Variants in DEUP1 observed in about 807,000 individuals in gnomAD.
DEUP1 encodes coiled-coil domain containing 67.
A neutral mutation model predicts 87.4 loss-of-function variants in DEUP1; 82 were observed. The ratio of observed to expected loss-of-function variants is 0.94; its 90% confidence interval spans 0.78 to 1.13. The LOEUF is 1.13. Among genes scored for constraint, DEUP1 ranks in the 50% most tolerant of loss-of-function variants. DEUP1 has a pLI of 0.00. For missense variants in DEUP1, 663 were observed against 681.5 expected (o/e 0.97, Z 0.30); for synonymous variants, 214 against 222.7 (o/e 0.96, Z 0.35).
At chr11:93,335,241 T>C (rs1183909669) in intron 2 of DEUP1, among the ~76,000 whole-genome samples, 1 of 144,556 alleles carries the variant, frequency 6.9e-6, no homozygotes, top group Non-Finnish European at 1.6e-5. Flanking sequence ...TCTACTGTCA[T>C]AGTCATAGGA....
rs1346902516 is a variant in DEUP1 at position 93,369,658 on chromosome 11, G to A, written c.433-415G>A. ...GTAAAGAATGGATTTACGGCCGGGC[G>A]CGGTGGCTCACGCCTGTAATCCCAG... On this transcript the variant is annotated intron_variant, in intron 5 of 13. Coordinates refer to ENST00000298050, the MANE Select transcript of DEUP1 (RefSeq NM_181645.4). Among the ~76,000 whole-genome samples, 6 of 6,242 alleles carry A rather than the reference G, an allele frequency of 9.6e-4. 3 individuals carry two copies. Among genetic ancestry groups the A allele is most frequent in the Admixed American group, 5.8e-3 (2 of 342 alleles). The allele number at this position is 6,242 out of a possible 152,430, so 4.1% of individuals were successfully genotyped here. A position where few individuals can be genotyped will look rare whatever the true frequency, so the allele number is the denominator to read the frequency against.
intron 6 of DEUP1, 130 bp from the exon 7 acceptor site, chr11:93,370,908 G>A: frequency 1.2e-6 from 1 of 813,352 alleles, no homozygotes; most frequent in East Asian, 2.7e-5. Context: ...GAATTACAAA[G>A]ACCCAACTTT....
intron 2 of DEUP1, among the ~76,000 whole-genome samples, chr11:93,339,383 A>G (rs1057153620): frequency 6.6e-6 from 1 of 152,202 alleles, no homozygotes; most frequent in African/African-American, 2.4e-5. Context: ...TGGTTTCCAA[A>G]TTTTCTCTAA....
chr11:93,390,435 T>A (rs1164434428), intron 9 of DEUP1, among the ~76,000 whole-genome samples: 1 of 152,160 alleles, frequency 6.6e-6, no homozygotes, highest in Non-Finnish European at 1.5e-5. Context: ...AGAGAAAAGG[T>A]GTTATGAATC....
At chr11:93,404,293 C>T (rs371635351) in intron 11 of DEUP1, among the ~76,000 whole-genome samples, 17 of 151,932 alleles carry the variant, frequency 1.1e-4, no homozygotes, top group Non-Finnish European at 2.5e-4. Context: ...AGCTTATCGT[C>T]GTAGGCTTTT....
intron 13 of DEUP1, among the ~76,000 whole-genome samples, chr11:93,426,994 T>TAAA (rs1157644297): frequency 1.4e-3 from 4 of 2,910 alleles, no homozygotes; most frequent in Non-Finnish European, 2.2e-3. Flanking sequence ...TAGAGTATAA[T>TAAA]AAAAAAAAAA....
intron 13 of DEUP1, among the ~76,000 whole-genome samples, chr11:93,430,632 A>G (rs1948075503): frequency 6.6e-6 from 1 of 152,186 alleles, no homozygotes; most frequent in African/African-American, 2.4e-5. Context: ...AGTTTTCATT[A>G]CGGATAATGA....
intron 7 of DEUP1, among the ~76,000 whole-genome samples, chr11:93,378,312 T>A (rs117384439): frequency 2.0e-5 from 3 of 152,000 alleles, no homozygotes; most frequent in African/African-American, 7.2e-5. Flanking sequence ...TTTAAATTCT[T>A]TTTTGTCTTT....
intron 2 of DEUP1, among the ~76,000 whole-genome samples, chr11:93,332,791 T>G (rs1943556929): frequency 6.6e-6 from 1 of 152,236 alleles, no homozygotes; most frequent in Admixed American, 6.5e-5. Context: ...TTTGTCATTG[T>G]AGAAAATCAA....
At chr11:93,409,013 C>G (rs781259512) in intron 12 of DEUP1, among the ~76,000 whole-genome samples, 1 of 152,072 alleles carries the variant, frequency 6.6e-6, no homozygotes, top group Non-Finnish European at 1.5e-5. Flanking sequence ...CCCGCCACTA[C>G]ACCCGGATAA....
intron 13 of DEUP1, among the ~76,000 whole-genome samples, chr11:93,428,511 G>A (rs1027252949): frequency 6.6e-6 from 1 of 151,824 alleles, no homozygotes; most frequent in African/African-American, 2.4e-5. Flanking sequence ...CGAGTTAATG[G>A]GTGCAGCACA....
chr11:93,375,383 A>T (rs1303423292), intron 7 of DEUP1, among the ~76,000 whole-genome samples: 1 of 151,970 alleles, frequency 6.6e-6, no homozygotes, highest in East Asian at 1.9e-4. Context: ...TCTCAGGGAG[A>T]ATGCTTTCCC....
intron 2 of DEUP1, among the ~76,000 whole-genome samples, chr11:93,340,018 A>G (rs1943979466): frequency 6.6e-6 from 1 of 152,214 alleles, no homozygotes; most frequent in African/African-American, 2.4e-5. Context: ...ACCCAAGCAA[A>G]TTAGGGTTCC....
intron 13 of DEUP1, among the ~76,000 whole-genome samples, chr11:93,432,054 C>T (rs1012058995): frequency 6.6e-6 from 1 of 152,174 alleles, no homozygotes; most frequent in Non-Finnish European, 1.5e-5. Flanking sequence ...TGGGAATAAT[C>T]GGCATATGGT....
chr11:93,415,270 C>T, intron 13 of DEUP1, 156 bp downstream of exon 13: 1 of 416,022 alleles, frequency 2.4e-6, no homozygotes. Flanking sequence ...TTTGGCCATA[C>T]CTATCTACAG....
chr11:93,380,259 T>C (rs78536091), intron 7 of DEUP1, among the ~76,000 whole-genome samples: 14,049 of 152,234 alleles, frequency 0.092, 1,681 homozygotes, highest in African/African-American at 0.28. Context: ...TCACTAGTAA[T>C]TCTCTAACTT....
At chr11:93,417,324 C>A (rs1308848603) in intron 13 of DEUP1, among the ~76,000 whole-genome samples, 5 of 151,338 alleles carry the variant, frequency 3.3e-5, no homozygotes, top group African/African-American at 9.7e-5. Context: ...TAAGCAACTT[C>A]AGCAAACTCT....
chr11:93,406,585 G>C (rs1947284676), intron 11 of DEUP1, among the ~76,000 whole-genome samples: 2 of 151,882 alleles, frequency 1.3e-5, no homozygotes, highest in South Asian at 4.1e-4. Context: ...CAAGGAAGAA[G>C]TCACAAGGGA....
At chr11:93,414,123 C>G (rs543044899) in intron 12 of DEUP1, among the ~76,000 whole-genome samples, 1 of 152,240 alleles carries the variant, frequency 6.6e-6, no homozygotes, top group East Asian at 1.9e-4. Flanking sequence ...GTTACCTGCT[C>G]AAGATCACAC....
Sources: allele counts gnomAD v4.1 joint callset (sites outside exome capture counted in the v4.1 genomes callset), GRCh38; gene constraint gnomAD v4.1.1; transcripts MANE v1.5; gene names NCBI Gene and HGNC (gene_info 2026-07-23, HGNC 2026-07-21).